Variants in UNC79 observed in about 807,000 individuals in gnomAD.
UNC79 encodes the protein protein unc-79 homolog.
Under a neutral mutation model 283.1 loss-of-function variants are expected in UNC79, and 37 were observed. The observed-to-expected ratio is 0.13, with a 90% CI of 0.10 to 0.17. The LOEUF (loss-of-function observed/expected upper bound fraction) is 0.17. Among genes scored for constraint, UNC79 ranks in the 10% least tolerant of loss-of-function variants. The pLI is 1.00. For missense variants in UNC79, 2,272 were observed against 3,211.1 expected, an observed-to-expected ratio of 0.71 and a Z score of 7.07; for synonymous variants, 1,107 against 1,200.2, an observed-to-expected ratio of 0.92 and a Z score of 1.61.
At chr14:93,412,889 G>A (rs550825746) in intron 1 of UNC79, among the ~76,000 whole-genome samples, 1 of 152,170 alleles carries the variant, frequency 6.6e-6, no homozygotes, top group East Asian at 1.9e-4. Context: ...AAGTGCTAAA[G>A]GGAGTACTTC....
At chr14:93,521,235 A>T (rs2060305650) in intron 7 of UNC79, among the ~76,000 whole-genome samples, 1 of 151,994 alleles carries the variant, frequency 6.6e-6, no homozygotes, top group Non-Finnish European at 1.5e-5. Context: ...TGGACCTTGA[A>T]TATCTTCCAG....
chr14:93,387,940 G>T (rs577726056), intron 1 of UNC79, among the ~76,000 whole-genome samples: 25 of 152,182 alleles, frequency 1.6e-4, no homozygotes, highest in Admixed American at 1.4e-3. Flanking sequence ...ATTTACAATT[G>T]TTATATCCTC....
chr14:93,646,507 C>T lies in UNC79; in HGVS notation c.6045-101C>T, dbSNP rs1234124191. ...GAATTGTCAACATTATACATGTCTC[C>T]CCATCTAAACTGGAAACACAACAGG... On this transcript the variant is annotated intron_variant, in intron 34 of 48. Coordinates refer to ENST00000555664, the Ensembl canonical transcript of UNC79. The T allele has an allele frequency of 1.8e-5, 20 of 1,118,368 alleles. No homozygotes were observed. The East Asian group carries it at 4.4e-4, about 24-fold the overall frequency. 69.3% of individuals were successfully genotyped at this position (1,118,368 alleles called of 1,614,324 possible). A position where few individuals can be genotyped will look rare whatever the true frequency, so the allele number is the denominator to read the frequency against.
rs117183997 is a variant in UNC79, at chr14:93,691,648, C to T, written c.7273-101C>T. 1.9e-5 allele frequency: 23 copies of T among 1,228,548 alleles called. No homozygotes were observed. In the East Asian group the frequency reaches 3.0e-4, roughly 16 times the overall value. 76.1% of individuals were successfully genotyped at this position (1,228,548 alleles called of 1,614,324 possible). On this transcript the variant is annotated intron_variant, in intron 45 of 48. Transcript: ENST00000555664. Reference sequence around the variant, plus strand: ...AGATAACGTTATGCCTTTGTGCTTCCCCTGTGCTCCCTGGCAAGACCAAAG... The same window carrying T: ...AGATAACGTTATGCCTTTGTGCTTCTCCTGTGCTCCCTGGCAAGACCAAAG...
intron 18 of UNC79, among the ~76,000 whole-genome samples, chr14:93,579,320 A>G (rs1005343227): frequency 6.6e-6 from 1 of 152,190 alleles, no homozygotes; most frequent in African/African-American, 2.4e-5. Context: ...TAACTACCTT[A>G]TGGATTTCCT....
intron 1 of UNC79, among the ~76,000 whole-genome samples, chr14:93,352,071 A>G (rs1341024517): frequency 6.6e-6 from 1 of 152,228 alleles, no homozygotes; most frequent in East Asian, 1.9e-4. Flanking sequence ...GGAGTGAGAG[A>G]GCATGAAAAA....
rs1257362806 is a variant in UNC79 at position 93,493,893 on chromosome 14, A to ATTT, written c.713-2517_713-2516insTTT. On this transcript the variant is annotated intron_variant, in intron 5 of 48. Coordinates refer to ENST00000555664, the Ensembl canonical transcript of UNC79. ...GTGCCACATATATATATATATATAT[A>ATTT]TATATATATTTTTTTTTTTTTTTTT... Among the ~76,000 whole-genome samples the ATTT allele has an allele frequency of 7.9e-4, 31 of 39,192 alleles. 1 individual carries two copies. The highest frequency in any genetic ancestry group is 2.2e-3 in the African/African-American group (29 of 12,906). The allele number at this position is 39,192 out of a possible 152,430, so 25.7% of individuals were successfully genotyped here.
intron 40 of UNC79, among the ~76,000 whole-genome samples, chr14:93,671,235 A>G (rs2072815676): frequency 6.6e-6 from 1 of 152,222 alleles, no homozygotes; most frequent in African/African-American, 2.4e-5. Context: ...ATGCCAAACA[A>G]TATTATATAT....
intron 5 of UNC79, among the ~76,000 whole-genome samples, chr14:93,495,049 C>A (rs888424308): frequency 6.6e-6 from 1 of 152,118 alleles, no homozygotes; most frequent in Non-Finnish European, 1.5e-5. Flanking sequence ...CTCAGAAGCT[C>A]CCCAGCAGAT....
chr14:93,514,557 G>C (rs926139790), intron 7 of UNC79, among the ~76,000 whole-genome samples: 9 of 152,124 alleles, frequency 5.9e-5, no homozygotes, highest in African/African-American at 1.7e-4. Flanking sequence ...GCACATGCGG[G>C]CCAAAGACCT....
chr14:93,540,719 G>T, exon 13 of UNC79: 1 of 1,613,770 alleles, frequency 6.2e-7, no homozygotes, highest in Non-Finnish European at 8.5e-7. Context: ...AACCGGCGGC[G>T]GCAGCTGGGC....
At chr14:93,597,443 C>T in exon 24 of UNC79, 2 of 1,614,198 alleles carry the variant, frequency 1.2e-6, no homozygotes, top group Non-Finnish European at 1.7e-6. Flanking sequence ...CTGGCACATG[C>T]CTTCTGCTGC....
At chr14:93,395,510 C>T (rs1337459246) in intron 1 of UNC79, among the ~76,000 whole-genome samples, 3 of 152,100 alleles carry the variant, frequency 2.0e-5, no homozygotes, top group Non-Finnish European at 4.4e-5. Flanking sequence ...AACTCACTAT[C>T]ATGAGAAAAG....
chr14:93,390,954 A>T (rs532057206), intron 1 of UNC79, among the ~76,000 whole-genome samples: 1 of 151,990 alleles, frequency 6.6e-6, no homozygotes, highest in Non-Finnish European at 1.5e-5. Flanking sequence ...ATTTGTTTAG[A>T]GTCTTAAGCT....
At chr14:93,598,388 GT>G (rs2065238256) in intron 24 of UNC79, among the ~76,000 whole-genome samples, 2 of 151,716 alleles carry the variant, frequency 1.3e-5, no homozygotes, top group African/African-American at 4.8e-5. Flanking sequence ...GTGTGTGTGT[GT>G]GTGTGTGTGT....
chr14:93,368,262 A>G (rs1412694180), intron 1 of UNC79, among the ~76,000 whole-genome samples: 1 of 152,224 alleles, frequency 6.6e-6, no homozygotes, highest in Non-Finnish European at 1.5e-5. Context: ...TTTACTTGCT[A>G]TCAAAATTTT....
At chr14:93,600,899 T>A in intron 25 of UNC79, 129 bp downstream of exon 25, 1 of 922,932 alleles carries the variant, frequency 1.1e-6, no homozygotes. Context: ...ACTCAATTCA[T>A]TAAATGATTA....
chr14:93,348,902 T>C (rs2053924500), intron 1 of UNC79, among the ~76,000 whole-genome samples: 1 of 152,302 alleles, frequency 6.6e-6, no homozygotes, highest in South Asian at 2.1e-4. Flanking sequence ...CCTGAAACAA[T>C]AGTCAATAAA....
At chr14:93,586,852 C>T in exon 22 of UNC79, 1 of 1,613,962 alleles carries the variant, frequency 6.2e-7, no homozygotes. Context: ...TATACATTGC[C>T]AGAAAAGATC....
Sources: gnomAD v4.1 joint callset for allele counts (sites outside exome capture counted in the v4.1 genomes callset) on GRCh38, gnomAD v4.1.1 for gene constraint, MANE v1.5 for transcripts, NCBI Gene and HGNC (gene_info 2026-07-23, HGNC 2026-07-21) for gene names.